The following ATF3 variants were observed in gnomAD, a reference collection of about 807,000 sequenced individuals.
The protein encoded by ATF3 is activating transcription factor 3.
Under a neutral mutation model 18.4 loss-of-function variants are expected in ATF3, and 10 were observed. The ratio of observed to expected loss-of-function variants is 0.54; its 90% CI spans 0.34 to 0.92. The LOEUF is 0.92. ATF3 is among the 40% of genes least tolerant of loss of function. The pLI, the probability that ATF3 is intolerant of heterozygous loss-of-function variation, is 0.02. For missense variants in ATF3, 183 were observed against 222.3 expected (o/e 0.82, Z 1.12); for synonymous variants, 78 against 87.9 (o/e 0.89, Z 0.63).
At chr1:212,593,853 G>C (rs1664937083) in intron 1 of ATF3, among the ~76,000 whole-genome samples, 1 of 144,846 alleles carries the variant, frequency 6.9e-6, no homozygotes, top group African/African-American at 2.5e-5. Flanking sequence ...TTAGCCCTAG[G>C]GCTGTCTTTA....
upstream of ATF3, among the ~76,000 whole-genome samples, chr1:212,605,420 G>A (rs1654595346): frequency 6.6e-6 from 1 of 152,200 alleles, no homozygotes; most frequent in Admixed American, 6.5e-5. Context: ...CTCCACTCCC[G>A]TTCCAAAGCG....
intron 1 of ATF3, among the ~76,000 whole-genome samples, chr1:212,611,068 C>G (rs1307265360): frequency 6.6e-6 from 1 of 152,188 alleles, no homozygotes; most frequent in Admixed American, 6.5e-5. Context: ...CCAGTGGCTT[C>G]GAGTGTTTAC....
intron 1 of ATF3, among the ~76,000 whole-genome samples, chr1:212,610,582 C>T (rs990363968): frequency 6.6e-6 from 1 of 152,202 alleles, no homozygotes; most frequent in African/African-American, 2.4e-5. Flanking sequence ...GATACAGCAC[C>T]CAGCATCTGT....
rs778340585 is a variant in ATF3, at chr1:212,615,170, A to G, written c.149A>G (p.Gln50Arg). 1.9e-6 allele frequency: 3 copies of G among 1,614,080 alleles called. No individual in the cohort carries two copies. In the African/African-American group the frequency reaches 4.0e-5, roughly 22 times the overall value. Residue 50 changes from glutamine (Q) to arginine (R), a missense_variant, in exon 2 of 4, where the codon CAG becomes CGG. By Grantham distance (43) the Gln-to-Arg change is conservative. Transcript: ENST00000341491. Reference protein sequence around the residue: ...FVKEELRFAIQNKHLCHRMSS... With the variant: ...FVKEELRFAIRNKHLCHRMSS... ...AAGGAAGAGCTGAGGTTTGCCATCC[A>G]GAACAAGCACCTCTGCCACCGGATG...
At chr1:212,580,911 G>A (rs1664672100) in intron 1 of ATF3, among the ~76,000 whole-genome samples, 2 of 152,130 alleles carry the variant, frequency 1.3e-5, no homozygotes, top group African/African-American at 4.8e-5. Context: ...TGGGATTACA[G>A]GTGCCCCCCA....
At chr1:212,616,098 T>C (rs1558241093) in intron 2 of ATF3, among the ~76,000 whole-genome samples, 1 of 151,162 alleles carries the variant, frequency 6.6e-6, no homozygotes, top group East Asian at 2.0e-4. Context: ...GGCACTGAGG[T>C]GGAAGTATTG....
At chr1:212,598,218 A>T (rs1046641465) in intron 1 of ATF3, among the ~76,000 whole-genome samples, 1 of 152,122 alleles carries the variant, frequency 6.6e-6, no homozygotes, top group South Asian at 2.1e-4. Flanking sequence ...ATTTTATGGA[A>T]ATTTCTTTAT....
chr1:212,593,329 T>C (rs1179319105), intron 1 of ATF3, among the ~76,000 whole-genome samples: 3 of 150,304 alleles, frequency 2.0e-5, no homozygotes, highest in Non-Finnish European at 1.5e-5. Context: ...TTAGGAGATA[T>C]ACCTAATGCT....
chr1:212,568,616 AG>A (rs1206378280), intron 1 of ATF3, among the ~76,000 whole-genome samples: 2 of 152,196 alleles, frequency 1.3e-5, no homozygotes, highest in African/African-American at 4.8e-5. Flanking sequence ...ATGGCCATTA[AG>A]GAGAGTCAGG....
At chr1:212,579,359 T>C (rs1264684276) in intron 1 of ATF3, among the ~76,000 whole-genome samples, 1 of 152,198 alleles carries the variant, frequency 6.6e-6, no homozygotes, top group Non-Finnish European at 1.5e-5. Context: ...CTCAGTTCCA[T>C]GTACCTTCCC....
chr1:212,615,698 C>T (rs529022897), intron 2 of ATF3, among the ~76,000 whole-genome samples: 87 of 151,476 alleles, frequency 5.7e-4, no homozygotes, highest in African/African-American at 2.1e-3. Flanking sequence ...CATCTACTTG[C>T]GAGGCTGAGG....
Position 212,619,004 on chromosome 1 carries a change from T to C in ATF3, c.349-354T>C. 6.2e-7 allele frequency: 1 copy of C among 1,613,638 alleles called. No homozygotes were observed. The highest frequency in any genetic ancestry group is 8.5e-7 in the Non-Finnish European group (1 of 1,179,590). On this transcript the variant is annotated intron_variant, in intron 3 of 3. Transcript: ENST00000341491. The surrounding 1 kb of genome is among the most constrained non-coding windows in gnomAD (Gnocchi z 4.4). ...TGAGCTTCTCATTGAGATCTGTGACTCAGAATCGACTAAGCCACCATAAGT... is the reference window on the plus strand; with the variant it reads ...TGAGCTTCTCATTGAGATCTGTGACCCAGAATCGACTAAGCCACCATAAGT...
chr1:212,574,304 T>C (rs1402150335), intron 1 of ATF3, among the ~76,000 whole-genome samples: 1 of 151,974 alleles, frequency 6.6e-6, no homozygotes, highest in Non-Finnish European at 1.5e-5. Context: ...TATACTTTAA[T>C]TTCTGTTTTA....
At chr1:212,604,352 G>A (rs758665065), upstream of ATF3, among the ~76,000 whole-genome samples, 1 of 152,118 alleles carries the variant, frequency 6.6e-6, no homozygotes, top group Non-Finnish European at 1.5e-5. Flanking sequence ...TCTCTCAAAT[G>A]GGAATATCTG....
chr1:212,589,819 T>G (rs1351386393), intron 1 of ATF3, among the ~76,000 whole-genome samples: 6 of 145,326 alleles, frequency 4.1e-5, no homozygotes, highest in African/African-American at 7.8e-5. Context: ...TTTTTTTTTT[T>G]AAGGAAAAAA....
intron 1 of ATF3, among the ~76,000 whole-genome samples, chr1:212,612,821 T>G (rs7516737): frequency 1.3e-5 from 2 of 151,942 alleles, no homozygotes; most frequent in Non-Finnish European, 2.9e-5. Context: ...GAGATCAAAG[T>G]GGGTGACCAG....
intron 1 of ATF3, among the ~76,000 whole-genome samples, chr1:212,575,575 G>A (rs1664563874): frequency 6.6e-6 from 1 of 152,040 alleles, no homozygotes; most frequent in African/African-American, 2.4e-5. Context: ...ATAACTTATA[G>A]CCTTCTGTAA....
chr1:212,579,004 GA>G (rs1398476155), intron 1 of ATF3, among the ~76,000 whole-genome samples: 2 of 132,402 alleles, frequency 1.5e-5, no homozygotes, highest in Non-Finnish European at 1.6e-5. Flanking sequence ...GCTCTCTGGA[GA>G]CTTTTTTTTT....
chr1:212,580,083 G>A (rs535085793), intron 1 of ATF3, among the ~76,000 whole-genome samples: 17 of 151,890 alleles, frequency 1.1e-4, no homozygotes, highest in African/African-American at 3.9e-4. Context: ...GCTTGAACCT[G>A]GGAGGCGGAG....
Sources: allele counts gnomAD v4.1 joint callset (sites outside exome capture counted in the v4.1 genomes callset), GRCh38; gene constraint gnomAD v4.1.1; non-coding constraint Gnocchi (gnomAD v3.1); transcripts MANE v1.5; gene names NCBI Gene and HGNC (gene_info 2026-07-23, HGNC 2026-07-21).